NR3C1: variants seen among roughly 807,000 people sequenced by gnomAD.
The protein encoded by NR3C1 is glucocorticoid receptor.
A neutral mutation model predicts 74.0 loss-of-function variants in NR3C1; 14 were observed. The ratio of observed to expected loss-of-function variants is 0.19; its 90% CI spans 0.12 to 0.30. The LOEUF is 0.30. Ranked by LOEUF, NR3C1 falls within the 10% of genes least tolerant of loss-of-function variation. NR3C1 has a pLI of 1.00. For missense variants in NR3C1, 695 were observed against 909.8 expected (o/e 0.76, Z 3.04); for synonymous variants, 308 against 332.5 (o/e 0.93, Z 0.80).
At chr5:143,403,107 A>C in intron 1 of NR3C1, 104 bp downstream of exon 1, 1 of 954,626 alleles carries the variant, frequency 1.0e-6, no homozygotes, top group Non-Finnish European at 1.2e-6. Flanking sequence ...CCCGAGGCTA[A>C]TAAAAGTTTG....
At chr5:143,413,007 G>C (rs567576726) in intron 1 of NR3C1, among the ~76,000 whole-genome samples, 14 of 152,030 alleles carry the variant, frequency 9.2e-5, no homozygotes, top group Admixed American at 7.2e-4. Flanking sequence ...CAACAAAAGA[G>C]AATTCCTTCA....
At chr5:143,398,663 A>G (rs938078362) in intron 2 of NR3C1, among the ~76,000 whole-genome samples, 1 of 152,126 alleles carries the variant, frequency 6.6e-6, no homozygotes, top group Non-Finnish European at 1.5e-5. Context: ...TGTCACTACA[A>G]TCCACATTTT....
chr5:143,289,662 T>G (rs931539148), intron 7 of NR3C1, among the ~76,000 whole-genome samples: 2 of 152,182 alleles, frequency 1.3e-5, no homozygotes, highest in Non-Finnish European at 1.5e-5. Context: ...TTGAGAATAT[T>G]TGAACAATTC....
chr5:143,342,567 A>G (rs1828446034), intron 2 of NR3C1, among the ~76,000 whole-genome samples: 1 of 152,204 alleles, frequency 6.6e-6, no homozygotes, highest in Admixed American at 6.5e-5. Flanking sequence ...GTCAGTAAAA[A>G]CCTTCATAGC....
Position 143,279,524 on chromosome 5 carries a change from TA to T in NR3C1, c.*2364del. ...GCACCAAAAATTTATCCAGCCGGGT[TA>T]CACACCATCTTAAAATATTACATTC... On this transcript the variant is annotated 3_prime_UTR_variant, in exon 9 of 9. Coordinates refer to ENST00000394464, the MANE Select transcript of NR3C1 (RefSeq NM_000176.3). 9.9e-7 allele frequency: 1 copy of T among 1,011,894 alleles called. No homozygotes were observed. The allele number at this position is 1,011,894 out of a possible 1,614,324, so 62.7% of individuals were successfully genotyped here. A position where few individuals can be genotyped will look rare whatever the true frequency, so the allele number is the denominator to read the frequency against.
intron 1 of NR3C1, among the ~76,000 whole-genome samples, chr5:143,415,831 G>A (rs1841458351): frequency 6.6e-6 from 1 of 152,080 alleles, no homozygotes; most frequent in Non-Finnish European, 1.5e-5. Context: ...ACATTATTGG[G>A]CTCATTTTAA....
chr5:143,433,462 A>ATATAATTTATTTATTTAACT (rs1422510030), intron 1 of NR3C1, among the ~76,000 whole-genome samples: 1 of 146,506 alleles, frequency 6.8e-6, no homozygotes, highest in Non-Finnish European at 1.5e-5. Context: ...TTATATATAT[A>ATATAATTTATTTATTTAACT]TATATATATT....
intron 2 of NR3C1, among the ~76,000 whole-genome samples, chr5:143,382,254 G>A (rs1836396986): frequency 2.0e-5 from 3 of 152,054 alleles, no homozygotes; most frequent in South Asian, 4.1e-4. Flanking sequence ...ACAATTGCAT[G>A]CTTGCATTAA....
chr5:143,335,100 T>C (rs535682578), intron 2 of NR3C1, among the ~76,000 whole-genome samples: 21 of 152,288 alleles, frequency 1.4e-4, no homozygotes, highest in South Asian at 6.2e-4. Context: ...TTGACGCTAT[T>C]TGTGGGTCTT....
At chr5:143,285,973 A>G (rs993487431) in intron 7 of NR3C1, among the ~76,000 whole-genome samples, 1 of 150,692 alleles carries the variant, frequency 6.6e-6, no homozygotes, top group Non-Finnish European at 1.5e-5. Context: ...GACTGATTAA[A>G]AAAAAAAAAA....
intron 1 of NR3C1, among the ~76,000 whole-genome samples, chr5:143,426,883 A>T (rs1355945955): frequency 2.0e-5 from 3 of 152,218 alleles, no homozygotes. Flanking sequence ...GAGGGCACCA[A>T]CAGTATCTGC....
At chr5:143,403,104 CT>C in intron 1 of NR3C1, 106 bp downstream of exon 1, 2 of 818,228 alleles carry the variant, frequency 2.4e-6, no homozygotes, top group Non-Finnish European at 2.9e-6. Context: ...CTCCCCGAGG[CT>C]AATAAAAGTT....
chr5:143,316,945 A>G (rs1822227650), intron 2 of NR3C1, among the ~76,000 whole-genome samples: 1 of 152,194 alleles, frequency 6.6e-6, no homozygotes, highest in Non-Finnish European at 1.5e-5. Context: ...TGACAAGGGA[A>G]AGTAAAAATG....
intron 2 of NR3C1, among the ~76,000 whole-genome samples, chr5:143,347,471 C>T (rs532572718): frequency 6.6e-6 from 1 of 152,168 alleles, no homozygotes; most frequent in African/African-American, 2.4e-5. Context: ...GAATTAAAGG[C>T]CCCCTTCCTC....
intron 1 of NR3C1, among the ~76,000 whole-genome samples, chr5:143,426,487 G>A (rs931370078): frequency 3.3e-5 from 5 of 152,142 alleles, no homozygotes; most frequent in African/African-American, 9.7e-5. Flanking sequence ...AATAAAGCAC[G>A]AGTTATGCCA....
rs536044128 is a variant in NR3C1, at chr5:143,354,265, T to C, written c.1185-40097A>G. Reference sequence around the variant, plus strand: ...CTGTTTCACTTTCTGATCATTCACATGTTTGCTGGAGTAGCACTAGTTATT... The same window carrying C: ...CTGTTTCACTTTCTGATCATTCACACGTTTGCTGGAGTAGCACTAGTTATT... On this transcript the variant is annotated intron_variant, in intron 2 of 8. Transcript: ENST00000394464. Among the ~76,000 whole-genome samples, 11 of 152,362 alleles carry C rather than the reference T, an allele frequency of 7.2e-5. No homozygotes were observed. In the East Asian group the frequency reaches 1.5e-3, roughly 21 times the overall value.
intron 2 of NR3C1, among the ~76,000 whole-genome samples, chr5:143,345,490 G>C (rs763793853): frequency 3.9e-5 from 6 of 152,182 alleles, no homozygotes; most frequent in African/African-American, 1.4e-4. Context: ...GATTACAGAC[G>C]TGAGCCACTG....
At chr5:143,297,800 G>T (rs1817625389) in intron 6 of NR3C1, among the ~76,000 whole-genome samples, 1 of 152,206 alleles carries the variant, frequency 6.6e-6, no homozygotes, top group African/African-American at 2.4e-5. Flanking sequence ...CTGGTGATGT[G>T]AACACCAAGA....
intron 2 of NR3C1, among the ~76,000 whole-genome samples, chr5:143,345,815 A>T (rs2151761055): frequency 6.6e-6 from 1 of 152,304 alleles, no homozygotes; most frequent in African/African-American, 2.4e-5. Context: ...TTAATATTAT[A>T]AGTGTTTTGG....
Sources: allele counts gnomAD v4.1 joint callset (sites outside exome capture counted in the v4.1 genomes callset), GRCh38; gene constraint gnomAD v4.1.1; transcripts MANE v1.5; gene names NCBI Gene and HGNC (gene_info 2026-07-23, HGNC 2026-07-21).